Variants in LTA observed in about 807,000 individuals in gnomAD.
LTA encodes the protein lymphotoxin alpha.
In LTA, 6 loss-of-function variants were observed where a neutral mutation model predicts 15.1. The ratio of observed to expected loss-of-function variants is 0.40; its 90% CI spans 0.22 to 0.78. The LOEUF (loss-of-function observed/expected upper bound fraction) is 0.78, where lower values mean the gene tolerates loss of function less well. Ranked by LOEUF, LTA falls within the 30% of genes least tolerant of loss-of-function variation. The probability of loss-of-function intolerance (pLI) is 0.38; values close to 1 mark genes in which losing one functional copy is unlikely to be tolerated. For missense variants in LTA, 173 were observed against 249.5 expected, an observed-to-expected ratio of 0.69 and a Z score of 2.06; for synonymous variants, 87 against 107.3, an observed-to-expected ratio of 0.81 and a Z score of 1.17.
chr6:31,562,621 G>A, the LTA span, among the ~76,000 whole-genome samples: 1 of 146,836 alleles, frequency 6.8e-6, no homozygotes, highest in Admixed American at 6.6e-5. Context: ...TCCCAGCACT[G>A]TGGGAGGCCA....
the LTA span, among the ~76,000 whole-genome samples, chr6:31,563,133 C>G: frequency 1.1e-4 from 16 of 152,082 alleles, no homozygotes; most frequent in Non-Finnish European, 2.2e-4. Context: ...GCACTCCAGC[C>G]TGGGCAACAG....
chr6:31,568,444 T>G (rs946629367), upstream of LTA, among the ~76,000 whole-genome samples: 2 of 152,124 alleles, frequency 1.3e-5, no homozygotes, highest in Non-Finnish European at 2.9e-5. The surrounding 1 kb of genome is among the most constrained non-coding windows in gnomAD (Gnocchi z 4.1). Context: ...TGTGTTTAGA[T>G]TTAAGGTTAG....
upstream of LTA, among the ~76,000 whole-genome samples, chr6:31,567,394 T>C (rs1296606627): frequency 2.6e-5 from 4 of 151,864 alleles, no homozygotes; most frequent in Non-Finnish European, 4.4e-5. Context: ...TCAACAAAAA[T>C]TTTAAAATAT....
At chr6:31,566,753 GC>G in the LTA span, among the ~76,000 whole-genome samples, 1 of 148,984 alleles carries the variant, frequency 6.7e-6, no homozygotes, top group Non-Finnish European at 1.5e-5. Flanking sequence ...GACCAGCCTG[GC>G]CAAGATGGTG....
In LTA at chr6:31,572,466, C is replaced by T. The variant is rs1770885585; in HGVS notation, c.-10+20C>T. On this transcript the variant is annotated intron_variant, in intron 1 of 3. Coordinates refer to ENST00000418386, the MANE Select transcript of LTA (RefSeq NM_000595.4). ...GCCTTGGTGGGTTTGGTTTTGGTTT[C>T]CTTCTCTGTCTCTGACTCTCCATCT... The T allele has an allele frequency of 1.8e-6, 1 of 548,586 alleles. No individual in the cohort carries two copies. The highest frequency in any genetic ancestry group is 3.2e-6 in the Non-Finnish European group (1 of 310,138). 34.0% of individuals were successfully genotyped at this position (548,586 alleles called of 1,614,324 possible). A position where few individuals can be genotyped will look rare whatever the true frequency, so the allele number is the denominator to read the frequency against.
At chr6:31,569,419 A>C (rs906242413), upstream of LTA, among the ~76,000 whole-genome samples, 6 of 152,246 alleles carry the variant, frequency 3.9e-5, no homozygotes, top group Admixed American at 3.9e-4. Context: ...ACCCTGAGAG[A>C]AAGGGCAACA....
At chr6:31,566,301 G>A in the LTA span, among the ~76,000 whole-genome samples, 1 of 152,166 alleles carries the variant, frequency 6.6e-6, no homozygotes, top group Non-Finnish European at 1.5e-5. Context: ...CTATGATGGT[G>A]CCATTGCACT....
rs1770994415 is a variant in LTA at position 31,573,734 on chromosome 6, G to T, written c.*41G>T. ...AGAAAGAAAAAATAATTGATTTCAA[G>T]ACCTTCTCCCCATTCTGCCTCCATT... is the stretch of plus-strand genomic sequence containing the variant. On this transcript the variant is annotated 3_prime_UTR_variant, in exon 4 of 4. Coordinates refer to ENST00000418386, the MANE Select transcript of LTA (RefSeq NM_000595.4). 6.2e-7 allele frequency: 1 copy of T among 1,609,176 alleles called. No homozygotes were observed. Among genetic ancestry groups the T allele is most frequent in the Non-Finnish European group, 8.5e-7 (1 of 1,177,112 alleles).
At chr6:31,565,370 C>CTT in the LTA span, among the ~76,000 whole-genome samples, 1 of 152,174 alleles carries the variant, frequency 6.6e-6, no homozygotes, top group Non-Finnish European at 1.5e-5. Context: ...ATTCAGAAGA[C>CTT]TAAGTCTGGA....
chr6:31,573,189 A>C, intron 3 of LTA, 92 bp from the exon 4 acceptor site: 1 of 1,337,534 alleles, frequency 7.5e-7, no homozygotes, highest in Non-Finnish European at 1.0e-6. Flanking sequence ...ATCCCCCAGG[A>C]ACTCAGTTGT....
Position 31,573,785 on chromosome 6 carries a change from C to T in LTA, c.*92C>T. 1 of 1,460,994 alleles carries T rather than the reference C, an allele frequency of 6.8e-7. No homozygotes were observed. The highest frequency in any genetic ancestry group is 9.5e-7 in the Non-Finnish European group (1 of 1,052,782). 90.5% of individuals were successfully genotyped at this position (1,460,994 alleles called of 1,614,324 possible). On this transcript the variant is annotated 3_prime_UTR_variant, in exon 4 of 4. Coordinates refer to ENST00000418386, the MANE Select transcript of LTA (RefSeq NM_000595.4). Reference sequence around the variant, plus strand: ...CTGACCATTTCAGGGGTCGTCACCACCTCTCCTTTGGCCATTCCAACAGCT... The same window carrying T: ...CTGACCATTTCAGGGGTCGTCACCATCTCTCCTTTGGCCATTCCAACAGCT...
At chr6:31,568,805 G>A (rs890436764), upstream of LTA, among the ~76,000 whole-genome samples, 1 of 152,002 alleles carries the variant, frequency 6.6e-6, no homozygotes, top group Non-Finnish European at 1.5e-5. This position sits in a 1 kb window ranked among gnomAD's most constrained non-coding sequence, Gnocchi z 4.1. Flanking sequence ...AGCATCCTTC[G>A]CATATCTCAC....
chr6:31,562,028 C>T, the LTA span, among the ~76,000 whole-genome samples: 1 of 149,224 alleles, frequency 6.7e-6, no homozygotes, highest in Non-Finnish European at 1.5e-5. Context: ...AGGGAGGGGG[C>T]GGAGTGACCA....
chr6:31,566,671 G>A, the LTA span, among the ~76,000 whole-genome samples: 3 of 143,176 alleles, frequency 2.1e-5, no homozygotes, highest in African/African-American at 5.2e-5. Context: ...GGCTGGGTGC[G>A]GTGTCTCACG....
chr6:31,562,511 G>T, the LTA span, among the ~76,000 whole-genome samples: 1 of 152,160 alleles, frequency 6.6e-6, no homozygotes, highest in Non-Finnish European at 1.5e-5. Flanking sequence ...TCCAAGGAAG[G>T]ATCTTTTTTG....
At chr6:31,561,239 T>G in the LTA span, among the ~76,000 whole-genome samples, 1 of 152,098 alleles carries the variant, frequency 6.6e-6, no homozygotes, top group Non-Finnish European at 1.5e-5. Context: ...TGGGCAGTGG[T>G]CCAGGTGACG....
In LTA at chr6:31,573,797, C is replaced by T; in HGVS notation, c.*104C>T. 1.5e-6 allele frequency: 2 copies of T among 1,330,912 alleles called. No homozygotes were observed. The highest frequency in any genetic ancestry group is 2.1e-6 in the Non-Finnish European group (2 of 938,198). The allele number at this position is 1,330,912 out of a possible 1,614,324, so 82.4% of individuals were successfully genotyped here. On this transcript the variant is annotated 3_prime_UTR_variant, in exon 4 of 4. Transcript: ENST00000418386. ...GGGGTCGTCACCACCTCTCCTTTGG[C>T]CATTCCAACAGCTCAAGTCTTCCCT...
At position 31,573,434 on chromosome 6, in the gene LTA, A is replaced by C; in HGVS notation, c.359A>C (p.Tyr120Ser). The C allele has an allele frequency of 1.2e-6, 2 of 1,613,224 alleles. No homozygotes were observed. Among genetic ancestry groups the C allele is most frequent in the African/African-American group, 1.3e-5 (1 of 74,728 alleles). ...YSQVVFSGKAYSPKATSSPLY... is the reference protein window; with the variant it reads ...YSQVVFSGKASSPKATSSPLY... ...CAGGTGGTCTTCTCTGGGAAAGCCT[A>C]CTCTCCCAAGGCCACCTCCTCCCCA... The change falls in exon 4 of 4, where the codon TAC becomes TCC. Residue 120 changes from tyrosine to serine, a missense_variant. Physicochemically the swap from Tyr to Ser is moderately radical, Grantham distance 144. Coordinates refer to ENST00000418386, the MANE Select transcript of LTA (RefSeq NM_000595.4).
At chr6:31,570,148 T>A (rs1422694714), upstream of LTA, among the ~76,000 whole-genome samples, 1 of 152,226 alleles carries the variant, frequency 6.6e-6, no homozygotes, top group Non-Finnish European at 1.5e-5. Context: ...TTAATCTGTC[T>A]TTTATTATAG....
Sources: gnomAD v4.1 joint callset for allele counts (sites outside exome capture counted in the v4.1 genomes callset) on GRCh38, gnomAD v4.1.1 for gene constraint, Gnocchi (gnomAD v3.1) non-coding constraint, MANE v1.5 for transcripts, NCBI Gene and HGNC (gene_info 2026-07-23, HGNC 2026-07-21) for gene names.